Variants in PAXBP1 observed in about 807,000 individuals in gnomAD.
The protein encoded by PAXBP1 is PAX3 and PAX7 binding protein 1.
In PAXBP1, 44 loss-of-function variants were observed where a neutral mutation model predicts 119.9. That is an observed-to-expected ratio of 0.37 (90% CI 0.29 to 0.47). The LOEUF (loss-of-function observed/expected upper bound fraction) is 0.47, where lower values mean the gene tolerates loss of function less well. Among genes scored for constraint, PAXBP1 ranks in the 20% least tolerant of loss-of-function variants. The pLI, the probability that PAXBP1 is intolerant of heterozygous loss-of-function variation, is 0.99. For missense variants in PAXBP1, 898 were observed against 1,134.1 expected (o/e 0.79, Z 2.99); for synonymous variants, 393 against 406.6 (o/e 0.97, Z 0.40).
intron 7 of PAXBP1, among the ~76,000 whole-genome samples, chr21:32,757,679 C>T (rs2044066024): frequency 6.6e-6 from 1 of 152,172 alleles, no homozygotes; most frequent in Admixed American, 6.5e-5. Flanking sequence ...CAAGAAAGTT[C>T]CGAAGCAAGC....
intron 5 of PAXBP1, 122 bp downstream of exon 5, chr21:32,760,937 C>T: frequency 4.7e-6 from 3 of 641,704 alleles, no homozygotes; most frequent in Non-Finnish European, 8.1e-6. Flanking sequence ...GTGTGTGTCT[C>T]CTCATGGGAT....
rs1271961552 is a variant in PAXBP1, at chr21:32,734,497, T to C, written c.*453A>G. On this transcript the variant is annotated 3_prime_UTR_variant, in exon 18 of 18. Transcript: ENST00000331923. ...GAACATTTAGTCACTTGCCAGCCCT[T>C]TTGTTACAACAGTGTAGTAATTTCC... 1 of 168,660 alleles carries C rather than the reference T, an allele frequency of 5.9e-6. No homozygotes were observed. Among genetic ancestry groups the C allele is most frequent in the African/African-American group, 2.4e-5 (1 of 41,548 alleles). The allele number at this position is 168,660 out of a possible 1,614,324, so 10.4% of individuals were successfully genotyped here.
rs2043658321 is a variant in PAXBP1, at chr21:32,734,028, C to T, written c.*922G>A. On this transcript the variant is annotated 3_prime_UTR_variant, in exon 18 of 18. Coordinates refer to ENST00000331923, the MANE Select transcript of PAXBP1 (RefSeq NM_016631.4). ...GAATCAGAAAGCATAAACTTTAAAA[C>T]AAGTTCTCTGAATATTTACAATGTG... The T allele has an allele frequency of 6.6e-6, 1 of 152,552 alleles. No homozygotes were observed. Among genetic ancestry groups the T allele is most frequent in the Non-Finnish European group, 1.5e-5 (1 of 68,012 alleles). The allele number at this position is 152,552 out of a possible 1,614,324, so 9.4% of individuals were successfully genotyped here. A position where few individuals can be genotyped will look rare whatever the true frequency, so the allele number is the denominator to read the frequency against.
In PAXBP1 at chr21:32,771,536, C is replaced by T. The variant is rs201970857; in HGVS notation, c.133G>A (p.Gly45Ser). The change falls in exon 1 of 18, where the codon GGT becomes AGT. Residue 45 changes from glycine (G) to serine (S), a missense_variant. By Grantham distance (56) the Gly-to-Ser change is moderately conservative. This residue lies in a region of PAXBP1 where 299 missense variants were observed against 281.4 expected (regional missense o/e 1.06). Coordinates refer to ENST00000331923, the MANE Select transcript of PAXBP1 (RefSeq NM_016631.4). ...PPGTGEEAGPGGGDRAPGGES... is the reference protein window; with the variant it reads ...PPGTGEEAGPSGGDRAPGGES... ...CCGCCAGGGGCCCTGTCGCCGCCAC[C>T]GGGGCCCGCCTCTTCGCCCGTGCCC... The T allele has an allele frequency of 3.4e-3, 4,589 of 1,358,098 alleles. 17 individuals carry two copies. Among genetic ancestry groups the T allele is most frequent in the South Asian group, 5.7e-3 (327 of 57,682 alleles). 84.1% of individuals were successfully genotyped at this position (1,358,098 alleles called of 1,614,324 possible). A position where few individuals can be genotyped will look rare whatever the true frequency, so the allele number is the denominator to read the frequency against.
chr21:32,758,135 T>G (rs1183166809), intron 7 of PAXBP1, among the ~76,000 whole-genome samples: 1 of 152,210 alleles, frequency 6.6e-6, no homozygotes, highest in African/African-American at 2.4e-5. Context: ...AGTCTGGCAA[T>G]GATCTTTTCC....
intron 5 of PAXBP1, among the ~76,000 whole-genome samples, 186 bp from the exon 6 acceptor site, chr21:32,760,180 T>C (rs367647530): frequency 3.3e-5 from 5 of 152,338 alleles, no homozygotes; most frequent in African/African-American, 1.2e-4. Context: ...CTTGGTGGAA[T>C]CACTAAATTT....
intron 15 of PAXBP1, chr21:32,742,735 A>G (rs780779306): frequency 2.2e-5 from 6 of 276,988 alleles, no homozygotes; most frequent in Non-Finnish European, 3.5e-5. Context: ...GCACAGTACA[A>G]TAACATATTT....
intron 9 of PAXBP1, 32 bp downstream of exon 9, chr21:32,751,087 A>C (rs73196255): frequency 4.3e-6 from 7 of 1,612,942 alleles, no homozygotes; most frequent in Non-Finnish European, 5.9e-6. Context: ...CTCCCTTCCC[A>C]AACAAGCCAG....
chr21:32,766,815 T>G (rs2044249432), intron 2 of PAXBP1, among the ~76,000 whole-genome samples: 1 of 152,250 alleles, frequency 6.6e-6, no homozygotes, highest in Admixed American at 6.5e-5. Context: ...CCATCCATCC[T>G]GTCAGAAGCC....
At chr21:32,754,349 C>T (rs79968466) in intron 8 of PAXBP1, among the ~76,000 whole-genome samples, 2 of 152,172 alleles carry the variant, frequency 1.3e-5, no homozygotes, top group African/African-American at 4.8e-5. Flanking sequence ...GTATGTTAAA[C>T]GAGTATCAGG....
At chr21:32,745,455 T>G in intron 12 of PAXBP1, 119 bp downstream of exon 12, 1 of 1,398,404 alleles carries the variant, frequency 7.2e-7, no homozygotes, top group Non-Finnish European at 9.8e-7. Context: ...GGCCAGGTGG[T>G]AACTATTATT....
chr21:32,765,025 A>G (rs2044217694), intron 2 of PAXBP1, among the ~76,000 whole-genome samples: 1 of 152,206 alleles, frequency 6.6e-6, no homozygotes, highest in African/African-American at 2.4e-5. Context: ...ATACCTTCTT[A>G]GCTCAAAACC....
chr21:32,761,285 A>C, intron 4 of PAXBP1, 123 bp from the exon 5 acceptor site: 1 of 741,812 alleles, frequency 1.3e-6, no homozygotes, highest in Non-Finnish European at 2.3e-6. Flanking sequence ...AAAATGTCTA[A>C]TATGATCTCC....
chr21:32,771,306 G>C lies in PAXBP1; in HGVS notation c.343+20C>G. The C allele has an allele frequency of 1.3e-6, 2 of 1,568,422 alleles. No individual in the cohort carries two copies. The highest frequency in any genetic ancestry group is 1.1e-5 in the South Asian group (1 of 89,330). On this transcript the variant is annotated intron_variant, in intron 1 of 17. Coordinates refer to ENST00000331923, the MANE Select transcript of PAXBP1 (RefSeq NM_016631.4). ...GTCGGGGATGCGGCCGTCTAAGGGC[G>C]TCCGAAGCGCGCACTTTACCTTCCT...
At chr21:32,736,386 A>C (rs545442431) in intron 17 of PAXBP1, among the ~76,000 whole-genome samples, 1 of 152,246 alleles carries the variant, frequency 6.6e-6, no homozygotes, top group African/African-American at 2.4e-5. Flanking sequence ...ACAGGGTTTC[A>C]CCATGTTGGC....
In PAXBP1 at chr21:32,751,169, T is replaced by C. The variant is rs2146489860; in HGVS notation, c.1557A>G (p.Ala519=). Residue 519 remains alanine (A), a synonymous_variant, in exon 9 of 18, where the codon GCA becomes GCG. Transcript: ENST00000331923. ...PNLDSFGRDR[A]LYQEHAKRRI... ...GACGTTTTGCATGCTCTTGATACAGTGCCCGATCGCGTCCAAAGGAGTCAA... is the reference window on the plus strand; with the variant it reads ...GACGTTTTGCATGCTCTTGATACAGCGCCCGATCGCGTCCAAAGGAGTCAA... 3 of 1,614,158 alleles carry C rather than the reference T, an allele frequency of 1.9e-6. No homozygotes were observed. The highest frequency in any genetic ancestry group is 2.7e-5 in the African/African-American group (2 of 75,052).
chr21:32,770,107 G>T (rs1396710148), intron 1 of PAXBP1, among the ~76,000 whole-genome samples, 165 bp from the exon 2 acceptor site: 2 of 152,004 alleles, frequency 1.3e-5, no homozygotes, highest in Non-Finnish European at 2.9e-5. Flanking sequence ...AAAAACAGAG[G>T]TCAACTTCCT....
Position 32,737,272 on chromosome 21 carries a change from A to C in PAXBP1, c.2618T>G (p.Val873Gly). Reference sequence around the variant, plus strand: ...AAATTACCTTGCATTTCTTTTTTCCACATCAGAACACCCGATACTATTTCT... The same window carrying C: ...AAATTACCTTGCATTTCTTTTTTCCCCATCAGAACACCCGATACTATTTCT... ...IYRNSIGCSDVEKRNARENIK... is the reference protein window; with the variant it reads ...IYRNSIGCSDGEKRNARENIK... Residue 873 changes from valine (V) to glycine (G), a missense_variant, in exon 17 of 18, where the codon GTG becomes GGG. Val to Gly is a moderately radical substitution (Grantham distance 109). Transcript: ENST00000331923. 6.5e-7 allele frequency: 1 copy of C among 1,530,746 alleles called. No individual in the cohort carries two copies. Among genetic ancestry groups the C allele is most frequent in the Non-Finnish European group, 8.8e-7 (1 of 1,136,510 alleles). The allele number at this position is 1,530,746 out of a possible 1,614,324, so 94.8% of individuals were successfully genotyped here.
chr21:32,736,350 A>T (rs1174611746), intron 17 of PAXBP1, among the ~76,000 whole-genome samples: 1 of 151,862 alleles, frequency 6.6e-6, no homozygotes, highest in African/African-American at 2.4e-5. Context: ...CACCACACCC[A>T]GCTAATTTTT....
Sources: gnomAD v4.1 joint callset for allele counts (sites outside exome capture counted in the v4.1 genomes callset) on GRCh38, gnomAD v4.1.1 for gene constraint, gnomAD v4.1.1 regional missense constraint, MANE v1.5 for transcripts, NCBI Gene and HGNC (gene_info 2026-07-23, HGNC 2026-07-21) for gene names.